The following BCKDHB variants were observed in gnomAD, a reference collection of about 807,000 sequenced individuals.
The protein encoded by BCKDHB is branched chain keto acid dehydrogenase E1 subunit beta.
BCKDHB carries 41 observed loss-of-function variants against 48.5 expected under a neutral mutation model. The ratio of observed to expected loss-of-function variants is 0.85; its 90% CI spans 0.66 to 1.10. The LOEUF is 1.10. Among genes scored for constraint, BCKDHB ranks in the 50% least tolerant of loss-of-function variants. The pLI is 0.00. For missense variants in BCKDHB, 496 were observed against 494.2 expected, an observed-to-expected ratio of 1.00 and a Z score of -0.03; for synonymous variants, 201 against 174.8, an observed-to-expected ratio of 1.15 and a Z score of -1.18.
At chr6:80,188,148 T>C (rs1319298376) in intron 6 of BCKDHB, among the ~76,000 whole-genome samples, 1 of 151,960 alleles carries the variant, frequency 6.6e-6, no homozygotes, top group Non-Finnish European at 1.5e-5. Context: ...TCTACAGGCA[T>C]AAAAAAGAAT....
chr6:80,161,938 T>G (rs1772337533), intron 3 of BCKDHB, among the ~76,000 whole-genome samples: 1 of 152,224 alleles, frequency 6.6e-6, no homozygotes, highest in Non-Finnish European at 1.5e-5. Flanking sequence ...CTGTCTTTCA[T>G]TTCCCTGATT....
the BCKDHB span, among the ~76,000 whole-genome samples, chr6:80,390,496 A>T: frequency 6.6e-6 from 1 of 152,226 alleles, no homozygotes; most frequent in Non-Finnish European, 1.5e-5. Flanking sequence ...ATGTTTGTGC[A>T]TGTATACACT....
chr6:80,330,157 A>G (rs1244499404), intron 9 of BCKDHB, among the ~76,000 whole-genome samples: 1 of 152,058 alleles, frequency 6.6e-6, no homozygotes, highest in Non-Finnish European at 1.5e-5. Context: ...GCATGTCTTT[A>G]CTGGGCTTTG....
At chr6:80,408,893 G>C in the BCKDHB span, among the ~76,000 whole-genome samples, 1 of 150,368 alleles carries the variant, frequency 6.7e-6, no homozygotes, top group Non-Finnish European at 1.5e-5. Flanking sequence ...TCTGATCTTA[G>C]TTATTTCTTG....
chr6:80,344,186 T>A lies in BCKDHB; in HGVS notation c.*382T>A. 1 of 289,270 alleles carries A rather than the reference T, an allele frequency of 3.5e-6. No individual in the cohort carries two copies. 17.9% of individuals were successfully genotyped at this position (289,270 alleles called of 1,614,324 possible). ...TGCCCAGCTAATTTTTGTGTTTTTA[T>A]TGGAGGTGGGGTGTCACTATGTTGG... On this transcript the variant is annotated 3_prime_UTR_variant, in exon 10 of 10. Coordinates refer to ENST00000320393, the MANE Select transcript of BCKDHB (RefSeq NM_183050.4).
At chr6:80,239,163 G>C (rs1002984999) in intron 8 of BCKDHB, among the ~76,000 whole-genome samples, 4 of 152,120 alleles carry the variant, frequency 2.6e-5, no homozygotes, top group African/African-American at 9.7e-5. Flanking sequence ...CTAGATCTTT[G>C]AGAAATCACC....
At chr6:80,448,354 A>G in the BCKDHB span, among the ~76,000 whole-genome samples, 22 of 152,310 alleles carry the variant, frequency 1.4e-4, no homozygotes, top group Admixed American at 1.1e-3. Context: ...GATTTTTAAG[A>G]AGGAAGTGAC....
intron 3 of BCKDHB, among the ~76,000 whole-genome samples, chr6:80,129,678 T>A (rs1344083156): frequency 6.6e-6 from 1 of 151,600 alleles, no homozygotes; most frequent in Non-Finnish European, 1.5e-5. Flanking sequence ...GAGTTTAGTT[T>A]TAAGGAACTG....
chr6:80,425,692 T>G, the BCKDHB span, among the ~76,000 whole-genome samples: 12 of 152,200 alleles, frequency 7.9e-5, no homozygotes, highest in Admixed American at 7.9e-4. Context: ...TCTGCAAGGT[T>G]CTTACAACTA....
intron 2 of BCKDHB, 141 bp downstream of exon 2, chr6:80,127,765 A>G (rs544485205): frequency 4.7e-4 from 391 of 834,322 alleles, no homozygotes; most frequent in South Asian, 9.8e-4. Flanking sequence ...CTAAATAATC[A>G]AATTGCAATA....
chr6:80,188,455 G>T (rs892614776), intron 6 of BCKDHB, among the ~76,000 whole-genome samples: 1 of 152,012 alleles, frequency 6.6e-6, no homozygotes, highest in Non-Finnish European at 1.5e-5. Flanking sequence ...GGGCAACATG[G>T]TGAGACCCCC....
chr6:80,189,130 T>A (rs1033555140), intron 6 of BCKDHB, among the ~76,000 whole-genome samples: 2 of 152,256 alleles, frequency 1.3e-5, no homozygotes, highest in African/African-American at 4.8e-5. Flanking sequence ...TTTACTTACA[T>A]TTAATAAATA....
chr6:80,401,452 A>C, the BCKDHB span, among the ~76,000 whole-genome samples: 9 of 151,678 alleles, frequency 5.9e-5, no homozygotes, highest in African/African-American at 2.2e-4. Context: ...GCAAATGTTA[A>C]GTTATATGGT....
At chr6:80,180,112 A>G (rs1773343336) in intron 6 of BCKDHB, among the ~76,000 whole-genome samples, 2 of 152,200 alleles carry the variant, frequency 1.3e-5, no homozygotes, top group Admixed American at 6.5e-5. Flanking sequence ...CAATTCAACC[A>G]TTAACTTTAT....
At chr6:80,106,663 C>T, upstream of BCKDHB, 2 of 1,547,024 alleles carry the variant, frequency 1.3e-6, no homozygotes, top group South Asian at 1.2e-5. Context: ...CGTGCGGCTG[C>T]ATAGCCTGAG....
In BCKDHB at chr6:80,115,532, A is replaced by T. The variant is rs1027134899; in HGVS notation, c.196+8643A>T. 2.0e-5 allele frequency among the ~76,000 whole-genome samples: 3 copies of T among 152,168 alleles called. No individual in the cohort carries two copies. The South Asian group carries it at 6.2e-4, about 32-fold the overall frequency. On this transcript the variant is annotated intron_variant, in intron 1 of 9. Coordinates refer to ENST00000320393, the MANE Select transcript of BCKDHB (RefSeq NM_183050.4). ...TAGTTTCTTAGTATCCTGTTATTTC[A>T]TGATGTGAATTAGTGCCAGATTGTT...
At chr6:80,148,502 G>C (rs1467366031) in intron 3 of BCKDHB, among the ~76,000 whole-genome samples, 10 of 152,034 alleles carry the variant, frequency 6.6e-5, no homozygotes, top group African/African-American at 1.4e-4. Flanking sequence ...TTTCACTATT[G>C]TTCCCATTGC....
chr6:80,149,471 A>G (rs1054058082), intron 3 of BCKDHB, among the ~76,000 whole-genome samples: 37 of 152,152 alleles, frequency 2.4e-4, no homozygotes, highest in African/African-American at 8.9e-4. Flanking sequence ...ATTACTGGGT[A>G]TATACCCAAA....
At chr6:80,224,936 G>A (rs79394339) in intron 8 of BCKDHB, among the ~76,000 whole-genome samples, 6 of 152,146 alleles carry the variant, frequency 3.9e-5, no homozygotes, top group Non-Finnish European at 7.4e-5. Context: ...ATAAAGTGAG[G>A]CAACCAGTTC....
Sources: allele counts gnomAD v4.1 joint callset (sites outside exome capture counted in the v4.1 genomes callset), GRCh38; gene constraint gnomAD v4.1.1; transcripts MANE v1.5; gene names NCBI Gene and HGNC (gene_info 2026-07-23, HGNC 2026-07-21).